PDE4D: variants seen among roughly 807,000 people sequenced by gnomAD.
The protein encoded by PDE4D is phosphodiesterase 4D, also known as 3',5'-cyclic-AMP phosphodiesterase 4D.
PDE4D carries 24 observed loss-of-function variants against 87.4 expected under a neutral mutation model. That is an observed-to-expected ratio of 0.27 (90% confidence interval 0.20 to 0.39). The LOEUF (loss-of-function observed/expected upper bound fraction) is 0.39. PDE4D is among the 10% of genes least tolerant of loss of function. The pLI is 1.00. For synonymous variants in PDE4D, 384 were observed against 383.2 expected, an observed-to-expected ratio of 1.00 and a Z score of -0.02; for missense variants, 714 against 1,041.0, an observed-to-expected ratio of 0.69 and a Z score of 4.32.
At chr5:60,004,839 T>C (rs971863304) in intron 2 of PDE4D, among the ~76,000 whole-genome samples, 6 of 152,178 alleles carry the variant, frequency 3.9e-5, no homozygotes, top group African/African-American at 1.4e-4. Context: ...TGGGAACGCT[T>C]GTAGCACTGC....
intron 1 of PDE4D, among the ~76,000 whole-genome samples, chr5:60,433,817 A>G (rs749686006): frequency 8.5e-5 from 13 of 152,256 alleles, no homozygotes; most frequent in Non-Finnish European, 1.6e-4. Flanking sequence ...GAACTAACAC[A>G]GGAACAGAAA....
intron 1 of PDE4D, among the ~76,000 whole-genome samples, chr5:60,249,268 T>C (rs900558520): frequency 6.6e-5 from 10 of 152,038 alleles, no homozygotes; most frequent in Admixed American, 1.3e-4. Context: ...TTCCCTCTCA[T>C]GCCCACACAG....
intron 1 of PDE4D, among the ~76,000 whole-genome samples, chr5:59,564,776 A>C (rs1256809893): frequency 1.3e-5 from 2 of 152,202 alleles, no homozygotes; most frequent in African/African-American, 4.8e-5. Flanking sequence ...TGTGTGAGTG[A>C]GAAAGGCAAG....
At chr5:60,039,162 C>A (rs1022662720) in intron 2 of PDE4D, among the ~76,000 whole-genome samples, 35 of 152,012 alleles carry the variant, frequency 2.3e-4, no homozygotes, top group Non-Finnish European at 4.1e-4. Flanking sequence ...GCACTATTCA[C>A]AATAGCAAAG....
chr5:59,228,771 C>T (rs1463646066), intron 1 of PDE4D, among the ~76,000 whole-genome samples: 1 of 152,126 alleles, frequency 6.6e-6, no homozygotes, highest in Non-Finnish European at 1.5e-5. Flanking sequence ...GTCCCTGGTG[C>T]CTCTCTAATC....
intron 2 of PDE4D, among the ~76,000 whole-genome samples, chr5:59,194,696 CT>C (rs1460962047): frequency 6.6e-6 from 1 of 152,108 alleles, no homozygotes; most frequent in African/African-American, 2.4e-5. Flanking sequence ...GGCACCTGCT[CT>C]TTGTAGAGAT....
intron 1 of PDE4D, among the ~76,000 whole-genome samples, chr5:59,822,875 A>C (rs998441937): frequency 6.6e-6 from 1 of 152,210 alleles, no homozygotes; most frequent in Admixed American, 6.5e-5. Flanking sequence ...ATGGTCCCCC[A>C]AAATGGCCGG....
intron 1 of PDE4D, among the ~76,000 whole-genome samples, chr5:59,597,025 C>T (rs1279750861): frequency 6.6e-6 from 1 of 152,106 alleles, no homozygotes; most frequent in African/African-American, 2.4e-5. Context: ...AAGAGAGTAG[C>T]TGCCTTAATT....
intron 1 of PDE4D, among the ~76,000 whole-genome samples, chr5:60,446,748 T>A (rs1384113573): frequency 6.6e-6 from 1 of 152,170 alleles, no homozygotes; most frequent in African/African-American, 2.4e-5. Flanking sequence ...GTTTCTATAA[T>A]CCCTTCATTA....
chr5:59,668,831 G>GA lies in PDE4D; in HGVS notation c.455+224336dup, dbSNP rs1388028550. ...AGAAGAAGAAGAAGAAGAAGAAGAAGAGGAAGAGGAAGAGGAAGAAGAAGA... is the reference window on the plus strand; with the variant it reads ...AGAAGAAGAAGAAGAAGAAGAAGAAGAAGGAAGAGGAAGAGGAAGAAGAAGA... On this transcript the variant is annotated intron_variant, in intron 1 of 14. Transcript: ENST00000340635. Among the ~76,000 whole-genome samples the GA allele has an allele frequency of 1.6e-3, 122 of 74,394 alleles. 2 individuals are homozygous for GA. The highest frequency in any genetic ancestry group is 5.8e-3 in the African/African-American group (93 of 15,906). The allele number at this position is 74,394 out of a possible 152,430, so 48.8% of individuals were successfully genotyped here. A position where few individuals can be genotyped will look rare whatever the true frequency, so the allele number is the denominator to read the frequency against.
chr5:60,159,333 G>A (rs187824284), intron 2 of PDE4D, among the ~76,000 whole-genome samples: 4 of 152,102 alleles, frequency 2.6e-5, no homozygotes, highest in East Asian at 3.9e-4. Context: ...GTAAGTAGGA[G>A]TACACACTAA....
At chr5:59,878,555 C>T (rs978570062) in intron 1 of PDE4D, among the ~76,000 whole-genome samples, 2 of 152,142 alleles carry the variant, frequency 1.3e-5, no homozygotes, top group African/African-American at 2.4e-5. Context: ...TCAAGCAATT[C>T]GCCCACCTCG....
intron 3 of PDE4D, among the ~76,000 whole-genome samples, chr5:59,907,137 C>A (rs560887706): frequency 1.3e-5 from 2 of 152,162 alleles, no homozygotes; most frequent in South Asian, 4.1e-4. Flanking sequence ...AACAGAAAAC[C>A]GAATACTGGT....
At position 60,336,163 on chromosome 5, in the gene PDE4D, G is replaced by A. The variant is rs188053062; in HGVS notation, c.-89-150476C>T. Among the ~76,000 whole-genome samples, 228 of 152,300 alleles carry A rather than the reference G, an allele frequency of 1.5e-3. 1 individual carries two copies. The highest frequency in any genetic ancestry group is 5.1e-3 in the African/African-American group (210 of 41,564). On this transcript the variant is annotated intron_variant, in intron 1 of 16. Coordinates refer to the PDE4D transcript ENST00000502484. ...TTAAAACAGAAAGGTAAGACTTATG[G>A]TAGTATAAACAGTGGACTTGCCAAA...
intron 1 of PDE4D, among the ~76,000 whole-genome samples, chr5:59,648,418 CA>C (rs1272654852): frequency 6.6e-6 from 1 of 152,058 alleles, no homozygotes; most frequent in Non-Finnish European, 1.5e-5. Context: ...TTTCATTACA[CA>C]ATAATTTTGA....
chr5:59,240,097 A>G (rs1486350871), intron 1 of PDE4D, among the ~76,000 whole-genome samples: 1 of 152,188 alleles, frequency 6.6e-6, no homozygotes, highest in Non-Finnish European at 1.5e-5. Context: ...CAAGCCTTCC[A>G]GTTATTAAAA....
chr5:59,071,031 C>T (rs973145907), intron 5 of PDE4D, among the ~76,000 whole-genome samples: 85 of 152,128 alleles, frequency 5.6e-4, no homozygotes, highest in Admixed American at 5.4e-3. Context: ...TTTAAAGGCT[C>T]GCACCTCAGA....
At chr5:59,380,465 T>C (rs151299894) in intron 1 of PDE4D, among the ~76,000 whole-genome samples, 3 of 151,874 alleles carry the variant, frequency 2.0e-5, no homozygotes, top group African/African-American at 4.8e-5. Context: ...GTGGCTATTA[T>C]TACAGCAACA....
At chr5:60,354,793 TA>T (rs1186347012) in intron 1 of PDE4D, among the ~76,000 whole-genome samples, 1 of 152,090 alleles carries the variant, frequency 6.6e-6, no homozygotes, top group Non-Finnish European at 1.5e-5. Flanking sequence ...ATTGAAAAAA[TA>T]GTCCAAGACA....
Sources: allele counts gnomAD v4.1 joint callset (sites outside exome capture counted in the v4.1 genomes callset), GRCh38; gene constraint gnomAD v4.1.1; transcripts MANE v1.5; gene names NCBI Gene and HGNC (gene_info 2026-07-23, HGNC 2026-07-21).